The following STYX variants were observed in gnomAD, a reference collection of about 807,000 sequenced individuals.
STYX encodes serine/threonine/tyrosine interacting protein.
In STYX, 20 loss-of-function variants were observed where a neutral mutation model predicts 42.7. That is an observed-to-expected ratio of 0.47 (90% CI 0.33 to 0.68). The LOEUF is 0.68. Ranked by LOEUF, STYX falls within the 30% of genes least tolerant of loss-of-function variation. The pLI is 0.02. For synonymous variants in STYX, 78 were observed against 81.9 expected (o/e 0.95, Z 0.26); for missense variants, 226 against 268.5 (o/e 0.84, Z 1.11).
intron 1 of STYX, among the ~76,000 whole-genome samples, chr14:52,739,967 C>T (rs1881121660): frequency 6.6e-6 from 1 of 152,004 alleles, no homozygotes; most frequent in African/African-American, 2.4e-5. Flanking sequence ...AAAAAGATTA[C>T]CATAACACAT....
At chr14:52,732,248 G>A (rs1239497852) in intron 1 of STYX, among the ~76,000 whole-genome samples, 2 of 148,326 alleles carry the variant, frequency 1.3e-5, no homozygotes, top group East Asian at 2.0e-4. Context: ...GATTACAGGC[G>A]CGCACCGCCA....
chr14:52,739,777 G>A (rs192558856), intron 1 of STYX, among the ~76,000 whole-genome samples: 4 of 150,904 alleles, frequency 2.7e-5, no homozygotes, highest in East Asian at 2.0e-4. Context: ...AAGTAGCTAG[G>A]ACCTCAGTCA....
chr14:52,765,057 C>G (rs1284215970), intron 9 of STYX, among the ~76,000 whole-genome samples: 1 of 152,104 alleles, frequency 6.6e-6, no homozygotes, highest in African/African-American at 2.4e-5. Context: ...AAGAATAGTT[C>G]ATGGAAACTA....
Position 52,771,331 on chromosome 14 carries a change from G to A in STYX, c.*225G>A, listed in dbSNP as rs568489344. On this transcript the variant is annotated 3_prime_UTR_variant, in exon 11 of 11. Coordinates refer to ENST00000354586, the MANE Select transcript of STYX (RefSeq NM_145251.4). ...CCTTTTTTTAAAAACACATGCGCGC[G>A]CACACACACATGCTTTACAAGTTTT... The A allele has an allele frequency of 4.1e-5, 17 of 418,662 alleles. No individual in the cohort carries two copies. Among genetic ancestry groups the A allele is most frequent in the African/African-American group, 6.0e-5 (3 of 49,614 alleles). 25.9% of individuals were successfully genotyped at this position (418,662 alleles called of 1,614,324 possible).
At chr14:52,755,130 T>TG (rs538207911) in intron 4 of STYX, among the ~76,000 whole-genome samples, 219 of 150,654 alleles carry the variant, frequency 1.5e-3, no homozygotes, top group Admixed American at 8.7e-3. Flanking sequence ...TGTTTTTTTT[T>TG]TTTTGTTTTT....
At chr14:52,741,388 T>C (rs1306981184) in intron 1 of STYX, among the ~76,000 whole-genome samples, 1 of 152,116 alleles carries the variant, frequency 6.6e-6, no homozygotes, top group African/African-American at 2.4e-5. Flanking sequence ...TTTTTAACTT[T>C]AACCATTCTA....
chr14:52,732,115 A>ATTTTT (rs1880741654), intron 1 of STYX, among the ~76,000 whole-genome samples: 1 of 95,560 alleles, frequency 1.0e-5, no homozygotes, highest in African/African-American at 4.2e-5. Flanking sequence ...TTTTTTTTTG[A>ATTTTT]CACAGAGTTT....
intron 9 of STYX, among the ~76,000 whole-genome samples, chr14:52,767,739 A>G (rs963275452): frequency 4.6e-5 from 7 of 152,158 alleles, no homozygotes; most frequent in African/African-American, 1.2e-4. Context: ...GTTTAAATTG[A>G]TAAACACTGA....
chr14:52,768,829 T>C lies in STYX; in HGVS notation c.505-11T>C. The C allele has an allele frequency of 6.5e-7, 1 of 1,548,552 alleles. No homozygotes were observed. Among genetic ancestry groups the C allele is most frequent in the Non-Finnish European group, 8.7e-7 (1 of 1,149,676 alleles). On this transcript the variant is annotated splice_polypyrimidine_tract_variant and intron_variant, in intron 9 of 10. Transcript: ENST00000354586. ...TATATAATTAAGTTAATTAACTTAT[T>C]TTTTTTTTAGGAATATGAAGCCATC...
chr14:52,751,192 AT>A (rs899534036), intron 4 of STYX, among the ~76,000 whole-genome samples: 3 of 151,130 alleles, frequency 2.0e-5, no homozygotes, highest in Non-Finnish European at 3.0e-5. Context: ...TTATAGATAA[AT>A]TTTTTTTTAC....
At chr14:52,763,121 A>G (rs1012952198) in intron 9 of STYX, among the ~76,000 whole-genome samples, 3 of 150,906 alleles carry the variant, frequency 2.0e-5, no homozygotes, top group Non-Finnish European at 3.0e-5. Context: ...TCAAACTCCT[A>G]ACCTCTGGTG....
chr14:52,768,978 T>C, intron 10 of STYX, 45 bp downstream of exon 10: 2 of 1,435,738 alleles, frequency 1.4e-6, no homozygotes, highest in Non-Finnish European at 1.9e-6. Flanking sequence ...AGAAAGATAA[T>C]GAAAGGTGGA....
intron 1 of STYX, among the ~76,000 whole-genome samples, chr14:52,738,131 G>C (rs528268924): frequency 6.6e-6 from 1 of 152,304 alleles, no homozygotes; most frequent in African/African-American, 2.4e-5. Context: ...GGGCAGCAAA[G>C]AAGGTGGATT....
Position 52,739,632 on chromosome 14 carries a change from CTTTTTTTTTTTT to C in STYX, c.58-5208_58-5197del, listed in dbSNP as rs58454717. ...AAACTGTTTTCTTTTTCCTTTCTTT[CTTTTTTTTTTTT>C]TTTTTTTTTTTCGTTGAGATAGGGT... On this transcript the variant is annotated intron_variant, in intron 1 of 10. Coordinates refer to ENST00000354586, the MANE Select transcript of STYX (RefSeq NM_145251.4). Among the ~76,000 whole-genome samples, 219 of 65,750 alleles carry C rather than the reference CTTTTTTTTTTTT, an allele frequency of 3.3e-3. 2 individuals are homozygous for C. Among genetic ancestry groups the C allele is most frequent in the African/African-American group, 0.013 (206 of 15,844 alleles). The allele number at this position is 65,750 out of a possible 152,430, so 43.1% of individuals were successfully genotyped here.
In STYX at chr14:52,771,642, T is replaced by G. The variant is rs1882516853; in HGVS notation, c.*536T>G. Reference sequence around the variant, plus strand: ...AAAATGCAGGAATCTGCCACATTTCTTTTTTAGTATAACTTAATAGCTTAA... The same window carrying G: ...AAAATGCAGGAATCTGCCACATTTCGTTTTTAGTATAACTTAATAGCTTAA... On this transcript the variant is annotated 3_prime_UTR_variant, in exon 11 of 11. Coordinates refer to ENST00000354586, the MANE Select transcript of STYX (RefSeq NM_145251.4). 2 of 152,554 alleles carry G rather than the reference T, an allele frequency of 1.3e-5. No individual in the cohort carries two copies. The highest frequency in any genetic ancestry group is 1.3e-4 in the Admixed American group (2 of 15,274). The allele number at this position is 152,554 out of a possible 1,614,324, so 9.5% of individuals were successfully genotyped here. A position where few individuals can be genotyped will look rare whatever the true frequency, so the allele number is the denominator to read the frequency against.
intron 3 of STYX, among the ~76,000 whole-genome samples, chr14:52,748,403 A>C (rs1195227172): frequency 6.6e-6 from 1 of 152,082 alleles, no homozygotes; most frequent in East Asian, 1.9e-4. Flanking sequence ...TTAATTCTCA[A>C]AGTTTTTGTA....
chr14:52,762,811 A>T (rs545643854), intron 9 of STYX, among the ~76,000 whole-genome samples: 2 of 150,218 alleles, frequency 1.3e-5, no homozygotes, highest in South Asian at 4.2e-4. Context: ...ACAATAGACC[A>T]GTTCTCAGAC....
chr14:52,755,374 C>T (rs373842029), intron 4 of STYX, among the ~76,000 whole-genome samples: 2 of 152,088 alleles, frequency 1.3e-5, no homozygotes, highest in African/African-American at 4.8e-5. Context: ...CCACCTGCCT[C>T]GGCTTCCCCA....
At chr14:52,735,030 C>G (rs1880893195) in intron 1 of STYX, among the ~76,000 whole-genome samples, 1 of 151,396 alleles carries the variant, frequency 6.6e-6, no homozygotes, top group Non-Finnish European at 1.5e-5. Context: ...GCACTCCAGC[C>G]TGGGAGACAG....
Sources: allele counts gnomAD v4.1 joint callset (sites outside exome capture counted in the v4.1 genomes callset), GRCh38; gene constraint gnomAD v4.1.1; transcripts MANE v1.5; gene names NCBI Gene and HGNC (gene_info 2026-07-23, HGNC 2026-07-21).